FARSA: variants seen among roughly 807,000 people sequenced by gnomAD.
FARSA encodes the protein phenylalanyl-tRNA synthetase subunit alpha, also known as phenylalanine--tRNA ligase alpha subunit.
In FARSA, 37 loss-of-function variants were observed where a neutral mutation model predicts 63.2. The ratio of observed to expected loss-of-function variants is 0.59; its 90% confidence interval spans 0.45 to 0.77. FARSA has a LOEUF of 0.77. FARSA is among the 30% of genes least tolerant of loss of function. The probability of loss-of-function intolerance (pLI) is 0.00; values close to 1 mark genes in which losing one functional copy is unlikely to be tolerated. For missense variants in FARSA, 618 were observed against 696.6 expected (o/e 0.89, Z 1.27); for synonymous variants, 312 against 285.1 (o/e 1.09, Z -0.95).
intron 4 of FARSA, among the ~76,000 whole-genome samples, chr19:12,929,933 G>T (rs929094675): frequency 2.6e-5 from 4 of 152,168 alleles, no homozygotes; most frequent in African/African-American, 7.2e-5. Flanking sequence ...TGGGCTTCAT[G>T]GAACTCAAGG....
At chr19:12,923,610 G>A (rs957975559) in intron 12 of FARSA, among the ~76,000 whole-genome samples, 1 of 152,182 alleles carries the variant, frequency 6.6e-6, no homozygotes, top group African/African-American at 2.4e-5. Flanking sequence ...CTCCTAAGTA[G>A]CTGGGATTAC....
rs1353884043 is a variant in FARSA, at chr19:12,928,415, G to A, written c.768C>T (p.Phe256=). The A allele has an allele frequency of 6.2e-7, 1 of 1,614,144 alleles. No individual in the cohort carries two copies. Among genetic ancestry groups the A allele is most frequent in the Non-Finnish European group, 8.5e-7 (1 of 1,180,022 alleles). ...GCTGGAAGAGGGCGTCAAAGTTCCAGAAGGAGCTCTCAATGAAGTTATCAG... is the reference window on the plus strand; with the variant it reads ...GCTGGAAGAGGGCGTCAAAGTTCCAAAAGGAGCTCTCAATGAAGTTATCAG... ...MPTDNFIESS[F]WNFDALFQPQ... Residue 256 remains phenylalanine, a synonymous_variant, in exon 7 of 13, where the codon TTC becomes TTT. Coordinates refer to ENST00000314606, the MANE Select transcript of FARSA (RefSeq NM_004461.3).
Position 12,924,118 on chromosome 19 carries a change from C to T in FARSA, c.1388+33G>A. 1 of 1,554,138 alleles carries T rather than the reference C, an allele frequency of 6.4e-7. No homozygotes were observed. The highest frequency in any genetic ancestry group is 8.9e-7 in the Non-Finnish European group (1 of 1,125,264). On this transcript the variant is annotated intron_variant, in intron 12 of 12. Transcript: ENST00000314606. This position sits in a 1 kb window ranked among gnomAD's most constrained non-coding sequence, Gnocchi z 6.4. ...ATACCTGGAGAGTTATTTGAGGCAG[C>T]TGGACACCCCGAGTTTCCACTTGGG...
chr19:12,933,080 C>G (rs1971413775), intron 1 of FARSA: 1 of 174,334 alleles, frequency 5.7e-6, no homozygotes, highest in African/African-American at 2.4e-5. Flanking sequence ...ATGCTGGTCT[C>G]CCTTGCCGCC....
intron 12 of FARSA, among the ~76,000 whole-genome samples, chr19:12,923,585 T>C (rs1971290006): frequency 6.6e-6 from 1 of 152,220 alleles, no homozygotes; most frequent in Non-Finnish European, 1.5e-5. Context: ...GTTCAAACGA[T>C]TCTCCTGCCT....
rs1568444272 is a variant in FARSA, at chr19:12,926,447, G to GT, written c.842-1274dup. On this transcript the variant is annotated intron_variant, in intron 7 of 12. Coordinates refer to ENST00000314606, the MANE Select transcript of FARSA (RefSeq NM_004461.3). Reference sequence around the variant, plus strand: ...CCACTATGCCTGGCTAATTGTTTTTGTATTTTTGGTAGAGACGGGGTTTCA... The same window carrying GT: ...CCACTATGCCTGGCTAATTGTTTTTGTTATTTTTGGTAGAGACGGGGTTTCA... Among the ~76,000 whole-genome samples the GT allele has an allele frequency of 4.6e-5, 7 of 151,492 alleles. No homozygotes were observed. The South Asian group carries it at 6.2e-4, about 13-fold the overall frequency.
rs936256134 is a variant in FARSA, at chr19:12,928,249, C to T, written c.841+93G>A. 3.0e-6 allele frequency: 3 copies of T among 1,012,572 alleles called. No individual in the cohort carries two copies. In the African/African-American group the frequency reaches 4.8e-5, roughly 16 times the overall value. 62.7% of individuals were successfully genotyped at this position (1,012,572 alleles called of 1,614,324 possible). On this transcript the variant is annotated intron_variant, in intron 7 of 12. Transcript: ENST00000314606. Reference sequence around the variant, plus strand: ...GCACACCACCATGCCCAGTTCTAGACCTAATTTGATCAAATGGGATGCCCA... The same window carrying T: ...GCACACCACCATGCCCAGTTCTAGATCTAATTTGATCAAATGGGATGCCCA...
chr19:12,928,371 C>T lies in FARSA; in HGVS notation c.812G>A (p.Arg271His), dbSNP rs375272364. 1.7e-5 allele frequency: 27 copies of T among 1,613,926 alleles called. No homozygotes were observed. The highest frequency in any genetic ancestry group is 6.7e-5 in the East Asian group (3 of 44,880). ...ALFQPQQHPA[R>H]DQHDTFFLRD... is the part of the protein sequence containing the mutation. ...AAGGAAGAAGGTGTCGTGCTGGTCACGGGCTGGGTGCTGCTGGGGCTGGAA... is the reference window on the plus strand; with the variant it reads ...AAGGAAGAAGGTGTCGTGCTGGTCATGGGCTGGGTGCTGCTGGGGCTGGAA... Residue 271 changes from arginine (R) to histidine (H), a missense_variant, in exon 7 of 13, where the codon CGT (arginine) becomes CAT (histidine). Arg to His is a conservative substitution (Grantham distance 29). Coordinates refer to ENST00000314606, the MANE Select transcript of FARSA (RefSeq NM_004461.3).
intron 1 of FARSA, among the ~76,000 whole-genome samples, chr19:12,932,700 C>G (rs1414524608): frequency 1.3e-5 from 2 of 152,212 alleles, no homozygotes; most frequent in Non-Finnish European, 2.9e-5. Context: ...GATAAACAGC[C>G]CAGATCCTGG....
chr19:12,925,085 C>T lies in FARSA; in HGVS notation c.926+5G>A, dbSNP rs750130962. On this transcript the variant is annotated splice_donor_5th_base_variant and intron_variant, in intron 8 of 12. Transcript: ENST00000314606. ...CCCTTCCATACCAGGTAAGTCCTGC[C>T]TCACCCCTGTGAGCCGTAGCCGCCC... is the stretch of plus-strand genomic sequence containing the variant. The T allele has an allele frequency of 1.1e-5, 18 of 1,613,136 alleles. No homozygotes were observed. Among genetic ancestry groups the T allele is most frequent in the Non-Finnish European group, 1.4e-5 (17 of 1,179,786 alleles).
Position 12,922,853 on chromosome 19 carries a change from G to T in FARSA, c.1422C>A (p.Ile474=), listed in dbSNP as rs763246656. 1.9e-6 allele frequency: 3 copies of T among 1,614,148 alleles called. No homozygotes were observed. Among genetic ancestry groups the T allele is most frequent in the Non-Finnish European group, 2.5e-6 (3 of 1,180,020 alleles). The change falls in exon 13 of 13, where the codon ATC becomes ATA. Residue 474 remains isoleucine (I), a synonymous_variant. Transcript: ENST00000314606. Reference sequence around the variant, plus strand: ...TCACCTTGTGGCCCACCAGCTCCCGGATATTGTTGATGCCATATTTGATCA... The same window carrying T: ...TCACCTTGTGGCCCACCAGCTCCCGTATATTGTTGATGCCATATTTGATCA... ...PTMIKYGINN[I]RELVGHKVNL...
chr19:12,931,523 A>G (rs1031248652), intron 1 of FARSA, among the ~76,000 whole-genome samples: 5 of 152,136 alleles, frequency 3.3e-5, no homozygotes, highest in Non-Finnish European at 7.3e-5. Context: ...CGCCTCCCAA[A>G]GTGCTAGGAT....
intron 7 of FARSA, among the ~76,000 whole-genome samples, chr19:12,927,689 G>C (rs1405684262): frequency 7.3e-6 from 1 of 136,630 alleles, no homozygotes; most frequent in Non-Finnish European, 1.5e-5. Flanking sequence ...CTGAGATCGT[G>C]CCACTGCACT....
chr19:12,924,312 G>A lies in FARSA; in HGVS notation c.1274-47C>T. On this transcript the variant is annotated intron_variant, in intron 11 of 12. Transcript: ENST00000314606. The surrounding 1 kb of genome is among the most constrained non-coding windows in gnomAD (Gnocchi z 6.4). The stretch of plus-strand genomic sequence containing the variant: ...GACGGGCAGTGCGTGTTGAGTTTCT[G>A]GGCACTGCTGGTACAGGTTCTGGGT... 1 of 1,563,150 alleles carries A rather than the reference G, an allele frequency of 6.4e-7. No individual in the cohort carries two copies. The highest frequency in any genetic ancestry group is 8.8e-7 in the Non-Finnish European group (1 of 1,134,876).
Position 12,922,643 on chromosome 19 carries a change from G to A in FARSA, c.*105C>T. The A allele has an allele frequency of 7.1e-7, 1 of 1,405,556 alleles. No homozygotes were observed. The highest frequency in any genetic ancestry group is 9.8e-7 in the Non-Finnish European group (1 of 1,022,206). The allele number at this position is 1,405,556 out of a possible 1,614,324, so 87.1% of individuals were successfully genotyped here. On this transcript the variant is annotated 3_prime_UTR_variant, in exon 13 of 13. Transcript: ENST00000314606. ...ACAGGTGGGAAAGAGGAAGGTGGGGGCTGGCCTCACAGAGGCCTCATAAAT... is the reference window on the plus strand; with the variant it reads ...ACAGGTGGGAAAGAGGAAGGTGGGGACTGGCCTCACAGAGGCCTCATAAAT...
rs1045913 is a variant in FARSA at position 12,924,192 on chromosome 19, G to A, written c.1347C>T (p.Pro449=). 178,196 of 1,613,960 alleles carry A rather than the reference G, an allele frequency of 0.11. 10,622 individuals are homozygous for A. Among genetic ancestry groups the A allele is most frequent in the Admixed American group, 0.13 (8,016 of 60,010 alleles). The change falls in exon 12 of 13, where the codon CCC becomes CCT. Residue 449 remains proline, a synonymous_variant. Transcript: ENST00000314606. The surrounding 1 kb of genome is among the most constrained non-coding windows in gnomAD (Gnocchi z 6.4). ...RPEMLLPMGL[P]ENVSVIAWGL... ...CCCAGGCAATGACCGACACGTTCTC[G>A]GGAAGCCCCATGGGCAGCAGCATCT...
At position 12,928,833 on chromosome 19, in the gene FARSA, T is replaced by G; in HGVS notation, c.518A>C (p.Tyr173Ser). 1 of 1,614,118 alleles carries G rather than the reference T, an allele frequency of 6.2e-7. No homozygotes were observed. Among genetic ancestry groups the G allele is most frequent in the Non-Finnish European group, 8.5e-7 (1 of 1,180,018 alleles). ...KLLAEVTLKT[Y>S]WVSKGSAFST... Reference sequence around the variant, plus strand: ...AAAGGCACTGCCTTTGCTCACCCAGTAGGTCTTCAGAGTCCTGTGGCCAGG... The same window carrying G: ...AAAGGCACTGCCTTTGCTCACCCAGGAGGTCTTCAGAGTCCTGTGGCCAGG... The change falls in exon 5 of 13, where the codon TAC becomes TCC. Residue 173 changes from tyrosine (Y) to serine (S), a missense_variant. Coordinates refer to ENST00000314606, the MANE Select transcript of FARSA (RefSeq NM_004461.3).
intron 1 of FARSA, among the ~76,000 whole-genome samples, 177 bp from the exon 2 acceptor site, chr19:12,930,926 T>A (rs1971387038): frequency 6.6e-6 from 1 of 152,218 alleles, no homozygotes. Context: ...TTGCTGTGTC[T>A]CCATTTCCCT....
In FARSA at chr19:12,930,670, T is replaced by C. The variant is rs755105452; in HGVS notation, c.227A>G (p.His76Arg). The change falls in exon 2 of 13, where the codon CAT becomes CGT. Residue 76 changes from histidine to arginine, a missense_variant. Transcript: ENST00000314606. ...EGEEIAREGS[H>R]EARVFRSIPP... is the part of the protein sequence containing the mutation. ...AATGCTTCGAAACACACGGGCCTCA[T>C]GGCTGCCCTCCCGGGCAATCTCCTC... is the stretch of plus-strand genomic sequence containing the variant. The C allele has an allele frequency of 6.2e-7, 1 of 1,613,926 alleles. No individual in the cohort carries two copies.
Sources: allele counts gnomAD v4.1 joint callset (sites outside exome capture counted in the v4.1 genomes callset), GRCh38; gene constraint gnomAD v4.1.1; non-coding constraint Gnocchi (gnomAD v3.1); transcripts MANE v1.5; gene names NCBI Gene and HGNC (gene_info 2026-07-23, HGNC 2026-07-21).